Variants in MARCHF6 observed in about 807,000 individuals in gnomAD.
The protein encoded by MARCHF6 is membrane associated ring-CH-type finger 6.
A neutral mutation model predicts 133.7 loss-of-function variants in MARCHF6; 31 were observed. The observed-to-expected ratio is 0.23, with a 90% confidence interval of 0.17 to 0.31. The LOEUF is 0.31. MARCHF6 is among the 10% of genes least tolerant of loss of function. The pLI, the probability that MARCHF6 is intolerant of heterozygous loss-of-function variation, is 1.00. For missense variants in MARCHF6, 723 were observed against 1,121.6 expected, an observed-to-expected ratio of 0.64 and a Z score of 5.08; for synonymous variants, 395 against 402.5, an observed-to-expected ratio of 0.98 and a Z score of 0.22.
intron 1 of MARCHF6, among the ~76,000 whole-genome samples, chr5:10,365,592 G>A (rs1382623117): frequency 2.0e-5 from 3 of 152,068 alleles, no homozygotes; most frequent in Non-Finnish European, 2.9e-5. Context: ...GCACCTGGCC[G>A]AGAATTGGAA....
At chr5:10,355,416 A>T (rs1250184127) in intron 1 of MARCHF6, among the ~76,000 whole-genome samples, 1 of 152,100 alleles carries the variant, frequency 6.6e-6, no homozygotes, top group Non-Finnish European at 1.5e-5. Flanking sequence ...TTCAATTCTC[A>T]TTCTTTTGGC....
chr5:10,379,002 G>T (rs1458513012), intron 3 of MARCHF6, among the ~76,000 whole-genome samples, 170 bp downstream of exon 3: 1 of 151,932 alleles, frequency 6.6e-6, no homozygotes, highest in Non-Finnish European at 1.5e-5. Context: ...TTGATATTTA[G>T]GAAAATATTT....
chr5:10,410,125 C>G lies in MARCHF6; in HGVS notation c.1554-14C>G. 6.2e-7 allele frequency: 1 copy of G among 1,612,976 alleles called. No individual in the cohort carries two copies. Among genetic ancestry groups the G allele is most frequent in the Non-Finnish European group, 8.5e-7 (1 of 1,179,560 alleles). On this transcript the variant is annotated splice_polypyrimidine_tract_variant and intron_variant, in intron 17 of 25. Coordinates refer to ENST00000274140, the MANE Select transcript of MARCHF6 (RefSeq NM_005885.4). ...GCAAAATACAATTCACATTATAAAT[C>G]CTGCCTCTTTCAGTGATGCTCCAGT...
chr5:10,405,800 T>A, intron 16 of MARCHF6, 123 bp downstream of exon 16: 1 of 796,552 alleles, frequency 1.3e-6, no homozygotes, highest in Non-Finnish European at 1.8e-6. Flanking sequence ...TATATTTATC[T>A]AAGCCTGTGG....
At chr5:10,407,792 A>G (rs1342806635) in intron 17 of MARCHF6, among the ~76,000 whole-genome samples, 1 of 152,154 alleles carries the variant, frequency 6.6e-6, no homozygotes, top group Non-Finnish European at 1.5e-5. Flanking sequence ...TGTCTCTACT[A>G]AAAATACAAA....
intron 22 of MARCHF6, among the ~76,000 whole-genome samples, chr5:10,422,546 G>A (rs536114993): frequency 2.6e-5 from 4 of 152,186 alleles, no homozygotes; most frequent in East Asian, 3.9e-4. Flanking sequence ...ATTTATAGAC[G>A]ACTGGGTAAA....
Position 10,439,216 on chromosome 5 carries a change from G to C in MARCHF6, c.*5532G>C, listed in dbSNP as rs972470865. ...ACTGGTTTTTGACAGAGGTGCAAAG[G>C]TCTTGAAAAAATGATGCTGGAATAA... is the stretch of plus-strand genomic sequence containing the variant. On this transcript the variant is annotated 3_prime_UTR_variant, in exon 26 of 26. Transcript: ENST00000274140. The C allele has an allele frequency of 6.6e-6, 1 of 152,076 alleles. No individual in the cohort carries two copies. The highest frequency in any genetic ancestry group is 2.4e-5 in the African/African-American group (1 of 41,390). 9.4% of individuals were successfully genotyped at this position (152,076 alleles called of 1,614,324 possible). A position where few individuals can be genotyped will look rare whatever the true frequency, so the allele number is the denominator to read the frequency against.
At position 10,400,862 on chromosome 5, in the gene MARCHF6, A is replaced by G; in HGVS notation, c.972+20A>G. The G allele has an allele frequency of 6.4e-7, 1 of 1,568,052 alleles. No individual in the cohort carries two copies. Among genetic ancestry groups the G allele is most frequent in the Admixed American group, 1.7e-5 (1 of 59,828 alleles). On this transcript the variant is annotated intron_variant, in intron 11 of 25. Coordinates refer to ENST00000274140, the MANE Select transcript of MARCHF6 (RefSeq NM_005885.4). ...GAACACGTGAGTATAATACTTTTAC[A>G]AAGTTACTTTCATTCATTACTCCCA...
At chr5:10,389,528 G>A (rs749323733) in intron 5 of MARCHF6, among the ~76,000 whole-genome samples, 6 of 151,982 alleles carry the variant, frequency 3.9e-5, no homozygotes, top group Non-Finnish European at 7.4e-5. Context: ...TCAGCCTCCC[G>A]AGTAGCTGGA....
chr5:10,363,478 A>C (rs1490205683), intron 1 of MARCHF6, among the ~76,000 whole-genome samples: 1 of 152,216 alleles, frequency 6.6e-6, no homozygotes, highest in Non-Finnish European at 1.5e-5. Context: ...GGCTATAATC[A>C]GAAAGAACAG....
At chr5:10,426,287 G>A in intron 23 of MARCHF6, 103 bp from the exon 24 acceptor site, 1 of 1,306,876 alleles carries the variant, frequency 7.7e-7, no homozygotes, top group Non-Finnish European at 1.1e-6. Flanking sequence ...TAACCAGTTT[G>A]ACTATTTTTG....
intron 1 of MARCHF6, among the ~76,000 whole-genome samples, chr5:10,365,663 C>T (rs2640710): frequency 0.056 from 8,471 of 152,192 alleles, 559 homozygotes; most frequent in African/African-American, 0.16. Flanking sequence ...TATGGGTATA[C>T]GCTCACCCTC....
In MARCHF6 at chr5:10,426,247, T is replaced by C. The variant is rs1314945627; in HGVS notation, c.2374-143T>C. The C allele has an allele frequency of 4.9e-6, 4 of 815,700 alleles. No individual in the cohort carries two copies. The African/African-American group carries it at 5.1e-5, about 10-fold the overall frequency. The allele number at this position is 815,700 out of a possible 1,614,324, so 50.5% of individuals were successfully genotyped here. A position where few individuals can be genotyped will look rare whatever the true frequency, so the allele number is the denominator to read the frequency against. ...CGTGGGCACTATGCTTATGTTGATA[T>C]ACCAGAATTTGCCTTGACTTTAGAA... On this transcript the variant is annotated intron_variant, in intron 23 of 25. Transcript: ENST00000274140.
rs1738951855 is a variant in MARCHF6, at chr5:10,407,168, C to T, written c.1519C>T (p.Pro507Ser). ...TATACGTATAATTAAGAGTGTGCTG[C>T]CTAATTTTCTTCCATACAATGTCAT... ...LPIRIIKSVL[P>S]NFLPYNVMLY... The change falls in exon 17 of 26, where the codon CCT (proline) becomes TCT (serine). Residue 507 changes from proline to serine, a missense_variant. Transcript: ENST00000274140. 1.2e-6 allele frequency: 2 copies of T among 1,612,552 alleles called. No homozygotes were observed. The highest frequency in any genetic ancestry group is 1.7e-4 in the Middle Eastern group (1 of 6,050).
At chr5:10,377,472 C>G (rs1279481186) in intron 1 of MARCHF6, among the ~76,000 whole-genome samples, 1 of 152,110 alleles carries the variant, frequency 6.6e-6, no homozygotes, top group Non-Finnish European at 1.5e-5. Flanking sequence ...CTAATGGTGA[C>G]CTGATTTTAC....
intron 18 of MARCHF6, among the ~76,000 whole-genome samples, chr5:10,411,123 A>C (rs1233822323): frequency 6.6e-6 from 1 of 152,184 alleles, no homozygotes; most frequent in Non-Finnish European, 1.5e-5. Context: ...GGTTGAATTT[A>C]TGGGATATCC....
chr5:10,357,490 T>C (rs1030047904), intron 1 of MARCHF6, among the ~76,000 whole-genome samples: 1 of 152,114 alleles, frequency 6.6e-6, no homozygotes, highest in African/African-American at 2.4e-5. Context: ...ATTCGAAAAG[T>C]GTGAAGCTAA....
intron 1 of MARCHF6, among the ~76,000 whole-genome samples, chr5:10,365,567 C>T (rs1353258062): frequency 6.6e-6 from 1 of 152,128 alleles, no homozygotes; most frequent in African/African-American, 2.4e-5. Context: ...CCTGGGATTA[C>T]AGGCGTGAGC....
intron 10 of MARCHF6, among the ~76,000 whole-genome samples, chr5:10,398,612 A>G (rs1738332113): frequency 6.6e-6 from 1 of 151,802 alleles, no homozygotes; most frequent in Non-Finnish European, 1.5e-5. Context: ...AGAAAAAATG[A>G]TCTATAGATT....
Sources: allele counts gnomAD v4.1 joint callset (sites outside exome capture counted in the v4.1 genomes callset), GRCh38; gene constraint gnomAD v4.1.1; transcripts MANE v1.5; gene names NCBI Gene and HGNC (gene_info 2026-07-23, HGNC 2026-07-21).